Variants in LINGO2 observed in about 807,000 individuals in gnomAD.
The protein encoded by LINGO2 is leucine rich repeat and Ig domain containing 2, also known as leucine-rich repeat and immunoglobulin-like domain-containing nogo receptor-interacting protein 2.
Under a neutral mutation model 30.6 loss-of-function variants are expected in LINGO2, and 14 were observed. That is an observed-to-expected ratio of 0.46 (90% CI 0.30 to 0.72). The LOEUF is 0.72. Ranked by LOEUF, LINGO2 falls within the 30% of genes least tolerant of loss-of-function variation. The pLI is 0.07. For synonymous variants in LINGO2, 317 were observed against 288.5 expected, an observed-to-expected ratio of 1.10 and a Z score of -1.00; for missense variants, 729 against 751.7, an observed-to-expected ratio of 0.97 and a Z score of 0.35.
At chr9:27,996,721 A>C (rs1040129183) in intron 5 of LINGO2, among the ~76,000 whole-genome samples, 2 of 152,218 alleles carry the variant, frequency 1.3e-5, no homozygotes, top group African/African-American at 2.4e-5. Context: ...AGCTAACAGT[A>C]ATGTATTGTA....
At chr9:28,290,817 C>A (rs772142715) in intron 4 of LINGO2, among the ~76,000 whole-genome samples, 33 of 152,166 alleles carry the variant, frequency 2.2e-4, no homozygotes, top group Non-Finnish European at 4.4e-4. Flanking sequence ...AGACAAATGT[C>A]AGTTTCAAGC....
intron 4 of LINGO2, among the ~76,000 whole-genome samples, chr9:28,177,825 C>T (rs1392215711): frequency 2.0e-5 from 3 of 152,154 alleles, no homozygotes; most frequent in Non-Finnish European, 4.4e-5. Flanking sequence ...GATGAGGAAA[C>T]TGACCCAAAT....
intron 4 of LINGO2, among the ~76,000 whole-genome samples, chr9:28,248,741 A>G (rs982857272): frequency 1.3e-5 from 2 of 152,210 alleles, no homozygotes; most frequent in African/African-American, 4.8e-5. Flanking sequence ...AAATATATAC[A>G]ACTACTATGT....
the LINGO2 span, among the ~76,000 whole-genome samples, chr9:29,198,244 A>G: frequency 1.3e-5 from 2 of 152,202 alleles, no homozygotes; most frequent in Non-Finnish European, 2.9e-5. Flanking sequence ...AATAGTTGAC[A>G]AGAACCTTCA....
At chr9:28,188,073 T>A (rs1341117786) in intron 4 of LINGO2, among the ~76,000 whole-genome samples, 1 of 152,176 alleles carries the variant, frequency 6.6e-6, no homozygotes, top group Non-Finnish European at 1.5e-5. Flanking sequence ...TTCCCTGCTA[T>A]TTGCTCCGGA....
At chr9:28,188,227 G>C (rs1246626816) in intron 4 of LINGO2, among the ~76,000 whole-genome samples, 1 of 152,000 alleles carries the variant, frequency 6.6e-6, no homozygotes, top group East Asian at 1.9e-4. Context: ...TTCACTCAGG[G>C]CTTCTTCTGA....
At chr9:28,592,730 AT>A (rs1172774537) in intron 1 of LINGO2, among the ~76,000 whole-genome samples, 1 of 152,070 alleles carries the variant, frequency 6.6e-6, no homozygotes, top group Non-Finnish European at 1.5e-5. Context: ...GAGAAAGGAT[AT>A]GGGGAAAACA....
the LINGO2 span, among the ~76,000 whole-genome samples, chr9:29,203,681 T>C: frequency 6.6e-5 from 10 of 152,128 alleles, no homozygotes; most frequent in African/African-American, 2.4e-4. Context: ...AACTGAAAAA[T>C]TCCATTGGAC....
At chr9:29,191,689 G>C in the LINGO2 span, among the ~76,000 whole-genome samples, 2 of 152,070 alleles carry the variant, frequency 1.3e-5, no homozygotes, top group Non-Finnish European at 1.5e-5. Context: ...AATCAGGATA[G>C]CACAACTCAA....
chr9:29,173,927 T>A, the LINGO2 span, among the ~76,000 whole-genome samples: 1 of 152,108 alleles, frequency 6.6e-6, no homozygotes, highest in Non-Finnish European at 1.5e-5. Flanking sequence ...TATTCATGTT[T>A]TGCCATTCTT....
the LINGO2 span, among the ~76,000 whole-genome samples, chr9:28,910,952 T>C: frequency 5.3e-5 from 8 of 152,086 alleles, no homozygotes. Flanking sequence ...TATATGAATA[T>C]GGTTTTCTCT....
intron 4 of LINGO2, among the ~76,000 whole-genome samples, chr9:28,205,237 T>C (rs577636478): frequency 4.6e-5 from 7 of 152,332 alleles, no homozygotes; most frequent in Admixed American, 1.3e-4. Flanking sequence ...ATGGTCACAT[T>C]TGGAGAGTCA....
chr9:28,474,281 G>A (rs1825641348), intron 2 of LINGO2, among the ~76,000 whole-genome samples: 1 of 152,052 alleles, frequency 6.6e-6, no homozygotes, highest in Non-Finnish European at 1.5e-5. Flanking sequence ...TTCACAGGAG[G>A]CCAGGATCCA....
the LINGO2 span, among the ~76,000 whole-genome samples, chr9:28,744,764 G>A: frequency 6.6e-6 from 1 of 151,442 alleles, no homozygotes; most frequent in African/African-American, 2.4e-5. Context: ...AGCATCCTGA[G>A]TAGCTGGGAC....
At chr9:28,526,999 A>T (rs1821062868) in intron 1 of LINGO2, among the ~76,000 whole-genome samples, 1 of 152,210 alleles carries the variant, frequency 6.6e-6, no homozygotes, top group South Asian at 2.1e-4. Flanking sequence ...ACATTATTAT[A>T]TTAAAAGTCA....
At chr9:28,700,725 A>G in the LINGO2 span, among the ~76,000 whole-genome samples, 1 of 152,068 alleles carries the variant, frequency 6.6e-6, no homozygotes, top group Non-Finnish European at 1.5e-5. Context: ...AGAAACTTCC[A>G]AACTGTTTTC....
At chr9:28,793,374 G>A in the LINGO2 span, among the ~76,000 whole-genome samples, 3 of 152,234 alleles carry the variant, frequency 2.0e-5, no homozygotes, top group Non-Finnish European at 4.4e-5. Flanking sequence ...TAGAATTCAG[G>A]CTACATTTTC....
At chr9:28,012,644 G>T (rs903122956) in intron 4 of LINGO2, among the ~76,000 whole-genome samples, 1 of 151,622 alleles carries the variant, frequency 6.6e-6, no homozygotes, top group African/African-American at 2.4e-5. Flanking sequence ...CCTCCATACC[G>T]CCTGGCCAAG....
intron 4 of LINGO2, among the ~76,000 whole-genome samples, chr9:28,156,036 T>C (rs1828122632): frequency 6.6e-6 from 1 of 152,164 alleles, no homozygotes; most frequent in Admixed American, 6.5e-5. Context: ...CCAAGACAAC[T>C]TGTTACTACT....
Sources: allele counts gnomAD v4.1 joint callset (sites outside exome capture counted in the v4.1 genomes callset), GRCh38; gene constraint gnomAD v4.1.1; transcripts MANE v1.5; gene names NCBI Gene and HGNC (gene_info 2026-07-23, HGNC 2026-07-21).